Variants in NLGN4X observed in about 807,000 individuals in gnomAD.
The protein encoded by NLGN4X is neuroligin 4 X-linked, also known as neuroligin-4, X-linked.
In NLGN4X, 3 loss-of-function variants were observed where a neutral mutation model predicts 40.3. The ratio of observed to expected loss-of-function variants is 0.07; its 90% CI spans 0.03 to 0.19. NLGN4X has a LOEUF of 0.19. Among genes scored for constraint, NLGN4X ranks in the 10% least tolerant of loss-of-function variants. NLGN4X has a pLI of 1.00. For synonymous variants in NLGN4X, 270 were observed against 306.8 expected (o/e 0.88, Z 1.25); for missense variants, 382 against 708.3 (o/e 0.54, Z 5.23).
chrX:6,008,068 A>G (rs1040708739), intron 3 of NLGN4X, among the ~76,000 whole-genome samples: 3 of 112,117 alleles, frequency 2.7e-5, no homozygotes, highest in Non-Finnish European at 5.6e-5. Context: ...GGATATGACA[A>G]CTTCAGACTT....
chrX:5,929,392 AG>A (rs1459182162), intron 3 of NLGN4X, among the ~76,000 whole-genome samples: 1 of 111,712 alleles, frequency 9.0e-6, no homozygotes, highest in African/African-American at 3.2e-5. Flanking sequence ...ACTTGAACCC[AG>A]GAGGTGGAGG....
chrX:6,180,088 T>C (rs1037043660), intron 1 of NLGN4X, among the ~76,000 whole-genome samples: 1 of 112,022 alleles, frequency 8.9e-6, no homozygotes, highest in Admixed American at 9.5e-5. Flanking sequence ...CCTTAATAAA[T>C]TGGTTCAATT....
chrX:6,151,450 C>T lies in NLGN4X; in HGVS notation c.17G>A (p.Gly6Glu). Residue 6 changes from glycine (G) to glutamate (E), a missense_variant, in exon 2 of 6, where the codon GGA becomes GAA. Transcript: ENST00000381095. MSRPQ[G>E]LLWLPLLFTP... ...GAACAACAAAGGAAGCCATAGCAGTCCCTGGGGCCGTGACATGGTTCAAAT... is the reference window on the plus strand; with the variant it reads ...GAACAACAAAGGAAGCCATAGCAGTTCCTGGGGCCGTGACATGGTTCAAAT... The T allele has an allele frequency of 8.3e-7, 1 of 1,209,864 alleles. No homozygotes were observed. The highest frequency in any genetic ancestry group is 1.8e-5 in the South Asian group (1 of 56,873).
intron 3 of NLGN4X, among the ~76,000 whole-genome samples, chrX:6,007,400 C>T: frequency 9.0e-6 from 1 of 111,203 alleles, no homozygotes; most frequent in East Asian, 2.8e-4. Context: ...GTGATGAGTA[C>T]ACTAAAAGCC....
Position 6,180,997 on chromosome X carries a change from C to T in NLGN4X, c.-305-29226G>A, listed in dbSNP as rs1024100250. Among the ~76,000 whole-genome samples the T allele has an allele frequency of 8.1e-5, 9 of 111,187 alleles. No homozygotes were observed. The East Asian group carries it at 1.4e-3, about 18-fold the overall frequency. On this transcript the variant is annotated intron_variant, in intron 1 of 5. Coordinates refer to ENST00000381095, the MANE Select transcript of NLGN4X (RefSeq NM_181332.3). ...CTTTGGGGAAAACCAATATTGCATT[C>T]GGAGGCACCAATAGTTTGCTTCTCT... is the stretch of plus-strand genomic sequence containing the variant.
chrX:6,113,434 A>C (rs1051082448), intron 2 of NLGN4X, among the ~76,000 whole-genome samples: 1 of 111,647 alleles, frequency 9.0e-6, no homozygotes, highest in South Asian at 3.7e-4. Context: ...CTTTTAACTC[A>C]GATCATGTAG....
At chrX:5,989,101 A>T (rs746829134) in intron 3 of NLGN4X, among the ~76,000 whole-genome samples, 26 of 109,462 alleles carry the variant, frequency 2.4e-4, no homozygotes, top group East Asian at 2.8e-4. Context: ...AATAAAAAAA[A>T]AAATAAAAAA....
chrX:6,077,765 A>C (rs1026852414), intron 2 of NLGN4X, among the ~76,000 whole-genome samples: 3 of 111,822 alleles, frequency 2.7e-5, no homozygotes, highest in Non-Finnish European at 5.6e-5. Flanking sequence ...TCAACCAAAA[A>C]GGGAAAACTA....
chrX:6,032,765 A>G, intron 2 of NLGN4X: 1 of 1,106,885 alleles, frequency 9.0e-7, no homozygotes, highest in Non-Finnish European at 1.2e-6. Flanking sequence ...GGTCATATTG[A>G]GAAGGAAAAT....
intron 3 of NLGN4X, among the ~76,000 whole-genome samples, chrX:6,019,937 G>T (rs1302755669): frequency 3.6e-5 from 4 of 112,342 alleles, no homozygotes; most frequent in African/African-American, 1.3e-4. Flanking sequence ...ATTATATATT[G>T]ATGGAATAGA....
chrX:6,222,737 T>TC (rs929626787), intron 1 of NLGN4X, among the ~76,000 whole-genome samples: 3 of 112,504 alleles, frequency 2.7e-5, no homozygotes, highest in Non-Finnish European at 5.6e-5. Context: ...TCCCCACGTG[T>TC]CGTGGAGGGA....
intron 5 of NLGN4X, among the ~76,000 whole-genome samples, chrX:5,902,372 A>G (rs1327340895): frequency 9.0e-6 from 1 of 110,828 alleles, no homozygotes; most frequent in African/African-American, 3.3e-5. Flanking sequence ...AAATCCATGT[A>G]AGGGCATGGT....
At chrX:5,936,388 G>A (rs73450243) in intron 3 of NLGN4X, among the ~76,000 whole-genome samples, 8,772 of 111,746 alleles carry the variant, frequency 0.078, 827 homozygotes, top group African/African-American at 0.27. Context: ...TCCCAGTCTT[G>A]TGCTAAGAGA....
At chrX:6,098,422 A>C (rs1347876515) in intron 2 of NLGN4X, among the ~76,000 whole-genome samples, 1 of 112,177 alleles carries the variant, frequency 8.9e-6, no homozygotes, top group African/African-American at 3.2e-5. Context: ...TCTGAGTGAG[A>C]ATATGATCTC....
intron 3 of NLGN4X, among the ~76,000 whole-genome samples, chrX:5,941,180 GGTGTGTGTGTGTGT>G (rs3220455): frequency 1.3e-3 from 79 of 58,623 alleles, no homozygotes; most frequent in Admixed American, 2.5e-3. Context: ...TATGCTAGGG[GGTGTGTGTGTGTGT>G]GTGTGTGTGT....
At chrX:6,014,333 GTCTTCAAAAGAAGACAA>G (rs1461442814) in intron 3 of NLGN4X, among the ~76,000 whole-genome samples, 1 of 112,072 alleles carries the variant, frequency 8.9e-6, no homozygotes, top group Non-Finnish European at 1.9e-5. Context: ...TATGTAGCCA[GTCTTCAAAAGAAGACAA>G]ACAGACAAAC....
At chrX:5,976,478 A>T (rs2035180638) in intron 3 of NLGN4X, among the ~76,000 whole-genome samples, 1 of 112,323 alleles carries the variant, frequency 8.9e-6, no homozygotes, top group Non-Finnish European at 1.9e-5. Context: ...TTCTTGCTGC[A>T]AATATCCCTC....
At chrX:5,905,358 T>C (rs2032118135) in intron 4 of NLGN4X, among the ~76,000 whole-genome samples, 1 of 111,821 alleles carries the variant, frequency 8.9e-6, no homozygotes, top group Non-Finnish European at 1.9e-5. Flanking sequence ...GTAATGAGTA[T>C]GCTAGGAGTT....
chrX:5,919,047 TTCTC>T (rs2032924048), intron 3 of NLGN4X, among the ~76,000 whole-genome samples: 1 of 112,440 alleles, frequency 8.9e-6, no homozygotes, highest in Non-Finnish European at 1.9e-5. Context: ...GGGCTAAGAT[TTCTC>T]TCTGAGAATT....
Sources: allele counts gnomAD v4.1 joint callset (sites outside exome capture counted in the v4.1 genomes callset), GRCh38; gene constraint gnomAD v4.1.1; transcripts MANE v1.5; gene names NCBI Gene and HGNC (gene_info 2026-07-23, HGNC 2026-07-21).